MCF2L2: variants seen among roughly 807,000 people sequenced by gnomAD.
MCF2L2 encodes MCF.2 cell line derived transforming sequence-like 2, also known as probable guanine nucleotide exchange factor MCF2L2.
MCF2L2 carries 102 observed loss-of-function variants against 150.2 expected under a neutral mutation model. The observed-to-expected ratio is 0.68, with a 90% CI of 0.58 to 0.80. The LOEUF is 0.80. MCF2L2 is among the 30% of genes least tolerant of loss of function. MCF2L2 has a pLI of 0.00. For missense variants in MCF2L2, 1,256 were observed against 1,372.8 expected (o/e 0.91, Z 1.34); for synonymous variants, 465 against 491.3 (o/e 0.95, Z 0.71).
At chr3:183,262,601 G>C (rs569630969) in intron 15 of MCF2L2, among the ~76,000 whole-genome samples, 2 of 152,034 alleles carry the variant, frequency 1.3e-5, no homozygotes, top group Non-Finnish European at 2.9e-5. Context: ...GGAATGGTGA[G>C]TGTTGGGGAA....
intron 15 of MCF2L2, among the ~76,000 whole-genome samples, chr3:183,257,504 G>A (rs1174735113): frequency 6.6e-6 from 1 of 152,180 alleles, no homozygotes; most frequent in Non-Finnish European, 1.5e-5. Context: ...TTTCAGGGCT[G>A]CCCGCTGTAA....
At chr3:183,384,168 T>C (rs1247131486) in intron 2 of MCF2L2, among the ~76,000 whole-genome samples, 1 of 152,240 alleles carries the variant, frequency 6.6e-6, no homozygotes, top group Non-Finnish European at 1.5e-5. Context: ...AAATCATGAC[T>C]GAGACAGTGA....
chr3:183,343,677 C>T (rs7638185), intron 3 of MCF2L2, among the ~76,000 whole-genome samples: 38,856 of 151,946 alleles, frequency 0.26, 7,171 homozygotes, highest in African/African-American at 0.52. Context: ...CCCAACATAG[C>T]AACTTGAATC....
intron 11 of MCF2L2, chr3:183,299,795 G>T (rs1003480241): frequency 7.6e-6 from 4 of 529,410 alleles, no homozygotes; most frequent in Non-Finnish European, 1.3e-5. Context: ...TTAATGGGAT[G>T]TGGTGGGATG....
chr3:183,263,090 AGT>A (rs981209535), intron 15 of MCF2L2, among the ~76,000 whole-genome samples: 2 of 152,036 alleles, frequency 1.3e-5, no homozygotes, highest in African/African-American at 4.8e-5. Flanking sequence ...CTGAGGAGTG[AGT>A]GTACTATAGA....
intron 5 of MCF2L2, among the ~76,000 whole-genome samples, chr3:183,325,328 C>G (rs1729980348): frequency 6.6e-6 from 1 of 152,066 alleles, no homozygotes; most frequent in Non-Finnish European, 1.5e-5. Context: ...AAGACAGACC[C>G]TGTTCTAGAG....
chr3:183,330,615 G>A (rs931218158), intron 5 of MCF2L2, among the ~76,000 whole-genome samples: 1 of 152,086 alleles, frequency 6.6e-6, no homozygotes, highest in Non-Finnish European at 1.5e-5. Flanking sequence ...AAACTTCATA[G>A]AACTGTACAC....
At chr3:183,294,106 A>T (rs1728320477) in intron 13 of MCF2L2, among the ~76,000 whole-genome samples, 1 of 152,204 alleles carries the variant, frequency 6.6e-6, no homozygotes, top group Non-Finnish European at 1.5e-5. Context: ...GACCTAAAAT[A>T]GCCAAAACAA....
rs200324081 is a variant in MCF2L2, at chr3:183,207,592, A to G, written c.2712+16T>C. On this transcript the variant is annotated intron_variant, in intron 23 of 29. Coordinates refer to ENST00000328913, the MANE Select transcript of MCF2L2 (RefSeq NM_015078.4). ...CTGCATAGGGCGACTCCCAGATGCA[A>G]TAGGACTCCCTTTACCTTCATGGTC... 17 of 1,587,344 alleles carry G rather than the reference A, an allele frequency of 1.1e-5. No individual in the cohort carries two copies. In the East Asian group the frequency reaches 3.1e-4, roughly 29 times the overall value.
intron 4 of MCF2L2, among the ~76,000 whole-genome samples, chr3:183,340,258 C>T (rs1044867906): frequency 6.6e-6 from 1 of 152,130 alleles, no homozygotes. Flanking sequence ...AGAGGGACTC[C>T]GTGTGTGTGC....
intron 11 of MCF2L2, chr3:183,298,765 G>GCGCGCGCGCGCGCACACA: frequency 2.9e-5 from 4 of 138,498 alleles, no homozygotes; most frequent in East Asian, 4.6e-4. Context: ...AAACACACAT[G>GCGCGCGCGCGCGCACACA]CACACACACA....
intron 27 of MCF2L2, among the ~76,000 whole-genome samples, chr3:183,192,282 G>A (rs1721924307): frequency 1.3e-5 from 2 of 152,002 alleles, no homozygotes; most frequent in Admixed American, 1.3e-4. Context: ...AGAATTACAG[G>A]TGCACACCAC....
chr3:183,361,989 G>A (rs12631020), intron 3 of MCF2L2, among the ~76,000 whole-genome samples: 36,961 of 152,134 alleles, frequency 0.24, 5,629 homozygotes, highest in African/African-American at 0.43. Context: ...CAGGATATAT[G>A]TATGTGAAAT....
chr3:183,399,212 A>G (rs1368564402), intron 1 of MCF2L2, among the ~76,000 whole-genome samples: 1 of 152,220 alleles, frequency 6.6e-6, no homozygotes, highest in Non-Finnish European at 1.5e-5. Context: ...ATTATCTACT[A>G]TATAAGTATA....
chr3:183,389,145 T>A (rs997318224), intron 2 of MCF2L2, among the ~76,000 whole-genome samples: 1 of 152,192 alleles, frequency 6.6e-6, no homozygotes, highest in Admixed American at 6.5e-5. Flanking sequence ...GAAAGAACAG[T>A]ATTCAAGTCA....
intron 23 of MCF2L2, 36 bp downstream of exon 23, chr3:183,207,572 T>C (rs753195569): frequency 4.0e-6 from 6 of 1,495,162 alleles, no homozygotes; most frequent in East Asian, 2.3e-5. Context: ...CTTTTCTGCA[T>C]AGGGCGACTC....
At chr3:183,202,059 G>A (rs1016613810) in intron 25 of MCF2L2, among the ~76,000 whole-genome samples, 5 of 152,160 alleles carry the variant, frequency 3.3e-5, no homozygotes, top group Non-Finnish European at 7.3e-5. Context: ...AGCCTGCAAT[G>A]ATAGTGAAAA....
chr3:183,278,198 A>G (rs569936799), intron 14 of MCF2L2, among the ~76,000 whole-genome samples: 161 of 148,550 alleles, frequency 1.1e-3, no homozygotes, highest in South Asian at 8.6e-3. Flanking sequence ...GAAAAAATAT[A>G]TATATATATA....
intron 25 of MCF2L2, among the ~76,000 whole-genome samples, chr3:183,198,560 C>T (rs908446911): frequency 4.6e-5 from 7 of 152,148 alleles, no homozygotes; most frequent in African/African-American, 1.7e-4. Context: ...TCAGATTGTA[C>T]ACTTTAAATA....
Sources: allele counts gnomAD v4.1 joint callset (sites outside exome capture counted in the v4.1 genomes callset), GRCh38; gene constraint gnomAD v4.1.1; transcripts MANE v1.5; gene names NCBI Gene and HGNC (gene_info 2026-07-23, HGNC 2026-07-21).